Variants in LMF1 observed in about 807,000 individuals in gnomAD.
The protein encoded by LMF1 is transmembrane protein 112.
In LMF1, 68 loss-of-function variants were observed where a neutral mutation model predicts 60.6. That is an observed-to-expected ratio of 1.12 (90% confidence interval 0.92 to 1.37). LMF1 has a LOEUF of 1.37. Ranked by LOEUF, LMF1 falls within the 40% of genes most tolerant of loss-of-function variation. The probability of loss-of-function intolerance (pLI) is 0.00; values close to 1 mark genes in which losing one functional copy is unlikely to be tolerated. For synonymous variants in LMF1, 418 were observed against 324.7 expected, an observed-to-expected ratio of 1.29 and a Z score of -3.09; for missense variants, 948 against 767.2, an observed-to-expected ratio of 1.24 and a Z score of -2.78.
At position 981,172 on chromosome 16, in the gene LMF1, G is replaced by C. The variant is rs777651668; in HGVS notation, c.-162C>G. 108 of 454,540 alleles carry C rather than the reference G, an allele frequency of 2.4e-4. 2 individuals are homozygous for C. Among genetic ancestry groups the C allele is most frequent in the South Asian group, 1.6e-3 (104 of 64,294 alleles). The allele number at this position is 454,540 out of a possible 1,614,324, so 28.2% of individuals were successfully genotyped here. ...GGACGTGCGCTGTCCGCAGACTCTG[G>C]ACGAGCTGGGCCTGGGCGCTGCGCG... On this transcript the variant is annotated 5_prime_UTR_variant, in exon 1 of 7. Coordinates refer to the LMF1 transcript ENST00000570014.
At chr16:953,564 TACATATCCACACAGACACCCCAAACCA>T in intron 2 of LMF1, among the ~76,000 whole-genome samples, 2 of 420 alleles carry the variant, frequency 4.8e-3, no homozygotes, top group African/African-American at 0.071. Context: ...ACCAGCCTCC[TACATATCCACACAGACACCCCAAACCA>T]GCCTCCTACA....
intron 3 of LMF1, among the ~76,000 whole-genome samples, chr16:911,563 G>GGTGGGGGCAGCACT (rs2071115831): frequency 9.4e-5 from 4 of 42,346 alleles, no homozygotes; most frequent in Non-Finnish European, 1.7e-4. Flanking sequence ...GGCAGCACTT[G>GGTGGGGGCAGCACT]GGGGAGGCAG....
At position 893,001 on chromosome 16, in the gene LMF1, G is replaced by A. The variant is rs1017110535; in HGVS notation, c.729+6C>T. The A allele has an allele frequency of 5.2e-6, 8 of 1,546,884 alleles. No individual in the cohort carries two copies. Among genetic ancestry groups the A allele is most frequent in the East Asian group, 4.9e-5 (2 of 40,802 alleles). ...GCCCTGCCCTCACGCTGCACGGCAC[G>A]CTCACCTCATAGTGGAAGTCCATGC... is the stretch of plus-strand genomic sequence containing the variant. On this transcript the variant is annotated splice_donor_region_variant and intron_variant, in intron 5 of 10. Coordinates refer to ENST00000262301, the MANE Select transcript of LMF1 (RefSeq NM_022773.4).
intron 10 of LMF1, among the ~76,000 whole-genome samples, chr16:863,470 G>A (rs1043737028): frequency 2.8e-4 from 43 of 152,208 alleles, no homozygotes; most frequent in African/African-American, 9.6e-4. Context: ...ATTGGCAATC[G>A]TATCTTCTCC....
chr16:887,116 G>A (rs2070331573), intron 5 of LMF1: 1 of 152,136 alleles, frequency 6.6e-6, no homozygotes, highest in African/African-American at 2.4e-5. Flanking sequence ...ATATCTGAGG[G>A]CGCTTGGTGA....
At position 897,230 on chromosome 16, in the gene LMF1, G is replaced by A. The variant is rs1481668386; in HGVS notation, c.664-4158C>T. Among the ~76,000 whole-genome samples the A allele has an allele frequency of 6.6e-6, 1 of 152,162 alleles. No homozygotes were observed. Among genetic ancestry groups the A allele is most frequent in the Non-Finnish European group, 1.5e-5 (1 of 68,036 alleles). ...ATCTGGAAACTCGAAGTGTCTTGAC[G>A]GTCGTATGCGGAGAAGGAGACACTC... is the stretch of plus-strand genomic sequence containing the variant. On this transcript the variant is annotated intron_variant, in intron 4 of 10. Transcript: ENST00000262301. This position sits in a 1 kb window ranked among gnomAD's most constrained non-coding sequence, Gnocchi z 4.3.
At chr16:944,431 C>T (rs1363016349) in intron 2 of LMF1, among the ~76,000 whole-genome samples, 2 of 152,266 alleles carry the variant, frequency 1.3e-5, no homozygotes, top group Non-Finnish European at 2.9e-5. Flanking sequence ...AAGCTGCCCT[C>T]AACTCTGATC....
chr16:871,702 G>T (rs532040603), intron 6 of LMF1: 6 of 228,822 alleles, frequency 2.6e-5, no homozygotes, highest in African/African-American at 1.4e-4. Flanking sequence ...GGTCATGCCC[G>T]GGGAAGGCTG....
chr16:876,747 G>A (rs1034313602), intron 6 of LMF1, among the ~76,000 whole-genome samples: 1 of 151,776 alleles, frequency 6.6e-6, no homozygotes, highest in African/African-American at 2.4e-5. Context: ...GGACCTCGGG[G>A]GGTCATGGTG....
chr16:948,712 CGACAGAGTCAGCCAAT>C (rs2072327224), intron 2 of LMF1, among the ~76,000 whole-genome samples: 1 of 112,866 alleles, frequency 8.9e-6, no homozygotes, highest in African/African-American at 3.6e-5. Flanking sequence ...TCAGAGACAA[CGACAGAGTCAGCCAAT>C]GACAGAGTCA....
chr16:968,365 T>C (rs2072970094), intron 1 of LMF1: 1 of 152,234 alleles, frequency 6.6e-6, no homozygotes, highest in South Asian at 2.1e-4. Context: ...CAAGGGGAGT[T>C]TCCACAGAAT....
Position 897,562 on chromosome 16 carries a change from C to G in LMF1, c.664-4490G>C, listed in dbSNP as rs1173062361. Reference sequence around the variant, plus strand: ...CGCAGGAGAGACTCAAAGGGGAGAGCTTTGTCCTGGAGTCAGGTCACAGCC... The same window carrying G: ...CGCAGGAGAGACTCAAAGGGGAGAGGTTTGTCCTGGAGTCAGGTCACAGCC... On this transcript the variant is annotated intron_variant, in intron 4 of 10. Coordinates refer to ENST00000262301, the MANE Select transcript of LMF1 (RefSeq NM_022773.4). The surrounding 1 kb of genome is among the most constrained non-coding windows in gnomAD (Gnocchi z 4.3). 6.6e-6 allele frequency among the ~76,000 whole-genome samples: 1 copy of G among 152,236 alleles called. No homozygotes were observed. The highest frequency in any genetic ancestry group is 1.5e-5 in the Non-Finnish European group (1 of 68,036).
At chr16:889,847 C>A (rs111771983) in intron 5 of LMF1, among the ~76,000 whole-genome samples, 1 of 152,134 alleles carries the variant, frequency 6.6e-6, no homozygotes, top group Non-Finnish European at 1.5e-5. Flanking sequence ...TCAAGACACA[C>A]GGGAGGGAGC....
At chr16:957,248 C>T (rs757726972) in intron 1 of LMF1, among the ~76,000 whole-genome samples, 8 of 152,168 alleles carry the variant, frequency 5.3e-5, no homozygotes, top group African/African-American at 9.7e-5. Context: ...CAAGTACATG[C>T]GGCTTCCTAC....
chr16:931,360 C>T lies in LMF1; in HGVS notation c.514+2884G>A, dbSNP rs576041685. Among the ~76,000 whole-genome samples, 329 of 152,380 alleles carry T rather than the reference C, an allele frequency of 2.2e-3. 2 individuals carry two copies. Among genetic ancestry groups the T allele is most frequent in the African/African-American group, 7.1e-3 (295 of 41,596 alleles). ...CGCACTGCCTGAGGATGCTGCTTTG[C>T]GGGCCGCAGGGTCCCAGTGACCGAC... On this transcript the variant is annotated intron_variant, in intron 3 of 10. Transcript: ENST00000262301.
chr16:942,161 AAGG>A (rs1352367357), intron 2 of LMF1, among the ~76,000 whole-genome samples: 1 of 152,212 alleles, frequency 6.6e-6, no homozygotes, highest in Non-Finnish European at 1.5e-5. Context: ...TTTGTTTTTG[AAGG>A]ATATTGTCAC....
chr16:910,942 T>A lies in LMF1; in HGVS notation c.652A>T (p.Met218Leu). 1 of 1,612,900 alleles carries A rather than the reference T, an allele frequency of 6.2e-7. No homozygotes were observed. The highest frequency in any genetic ancestry group is 8.5e-7 in the Non-Finnish European group (1 of 1,179,856). Residue 218 changes from methionine to leucine, a missense_variant, in exon 4 of 11, where the codon ATG becomes TTG. Met to Leu is a conservative substitution (Grantham distance 15). Coordinates refer to ENST00000262301, the MANE Select transcript of LMF1 (RefSeq NM_022773.4). Reference protein sequence around the residue: ...WGFRWLIFRIMLGAGLIKIRG... With the variant: ...WGFRWLIFRILLGAGLIKIRG... Reference sequence around the variant, plus strand: ...AGAGCTCCACTTACTGCTCCAAGCATGATCCTGAAGATCAGCCACCGGAAG... The same window carrying A: ...AGAGCTCCACTTACTGCTCCAAGCAAGATCCTGAAGATCAGCCACCGGAAG...
chr16:954,709 C>G (rs1449794343), intron 1 of LMF1, 43 bp from the exon 2 acceptor site: 12 of 1,534,270 alleles, frequency 7.8e-6, no homozygotes, highest in African/African-American at 1.4e-5. Flanking sequence ...TAGGAACAAA[C>G]CACATGTGGA....
chr16:913,843 A>G (rs9941176), intron 3 of LMF1, among the ~76,000 whole-genome samples: 45,734 of 152,188 alleles, frequency 0.3, 8,450 homozygotes, highest in African/African-American at 0.5. Flanking sequence ...AGGCTTCGCC[A>G]TGGGGCAGCC....
Sources: allele counts gnomAD v4.1 joint callset (sites outside exome capture counted in the v4.1 genomes callset), GRCh38; gene constraint gnomAD v4.1.1; non-coding constraint Gnocchi (gnomAD v3.1); transcripts MANE v1.5; gene names NCBI Gene and HGNC (gene_info 2026-07-23, HGNC 2026-07-21).